Variants in PIP5K1C observed in about 807,000 individuals in gnomAD.
The protein encoded by PIP5K1C is phosphatidylinositol-4-phosphate 5-kinase type 1 gamma.
PIP5K1C carries 45 observed loss-of-function variants against 80.1 expected under a neutral mutation model. The observed-to-expected ratio is 0.56, with a 90% CI of 0.44 to 0.72. The LOEUF (loss-of-function observed/expected upper bound fraction) is 0.72. PIP5K1C is among the 30% of genes least tolerant of loss of function. PIP5K1C has a pLI of 0.00. For missense variants in PIP5K1C, 753 were observed against 954.6 expected (o/e 0.79, Z 2.78); for synonymous variants, 498 against 420.1 (o/e 1.19, Z -2.27).
chr19:3,685,199 A>G (rs1600081233), intron 1 of PIP5K1C, among the ~76,000 whole-genome samples: 2 of 152,142 alleles, frequency 1.3e-5, no homozygotes, highest in African/African-American at 4.8e-5. Context: ...GGGTCCTCAC[A>G]CGGCTGGGGG....
intron 8 of PIP5K1C, chr19:3,649,944 G>A (rs528714730): frequency 6.4e-5 from 16 of 249,622 alleles, no homozygotes; most frequent in African/African-American, 2.6e-4. Context: ...ACCCAGACCC[G>A]CTGGGCTGGC....
Position 3,667,176 on chromosome 19 carries a change from C to T in PIP5K1C, c.126+146G>A, listed in dbSNP as rs2145508971. On this transcript the variant is annotated intron_variant, in intron 2 of 17. Transcript: ENST00000335312. ...CAAGACGCAGTTGGTGTAGACCTCA[C>T]GTTCATCCTGCTTGTGGACACTGGA... 5.6e-6 allele frequency: 4 copies of T among 714,478 alleles called. No individual in the cohort carries two copies. The South Asian group carries it at 6.1e-5, about 11-fold the overall frequency. The allele number at this position is 714,478 out of a possible 1,614,324, so 44.3% of individuals were successfully genotyped here. A position where few individuals can be genotyped will look rare whatever the true frequency, so the allele number is the denominator to read the frequency against.
intron 13 of PIP5K1C, 113 bp from the exon 14 acceptor site, chr19:3,643,052 G>A: frequency 1.4e-6 from 2 of 1,470,866 alleles, no homozygotes; most frequent in Non-Finnish European, 1.9e-6. Context: ...CTGCCCACCT[G>A]TACATATGCT....
Position 3,651,857 on chromosome 19 carries a change from C to T in PIP5K1C, c.1096G>A (p.Ala366Thr), listed in dbSNP as rs529932647. 7.0e-5 allele frequency: 113 copies of T among 1,612,416 alleles called. 2 individuals are homozygous for T. The Admixed American group carries it at 9.8e-4, about 14-fold the overall frequency. The change falls in exon 8 of 18, where the codon GCG (alanine) becomes ACG (threonine). Residue 366 changes from alanine (A) to threonine (T), a missense_variant. Transcript: ENST00000335312. Reference sequence around the variant, plus strand: ...TCCGATTCGATGGCCTCCCCGCGCGCGGCGCCACCCTGGATGGACTCCATG... The same window carrying T: ...TCCGATTCGATGGCCTCCCCGCGCGTGGCGCCACCCTGGATGGACTCCATG... ...TAMESIQGGA[A>T]RGEAIESDDT...
chr19:3,633,787 T>C (rs1026844158), intron 16 of PIP5K1C, among the ~76,000 whole-genome samples: 5 of 151,934 alleles, frequency 3.3e-5, no homozygotes, highest in African/African-American at 9.7e-5. Context: ...GGGCCTGAGA[T>C]AGCAGGTGAC....
intron 4 of PIP5K1C, among the ~76,000 whole-genome samples, chr19:3,661,505 C>A (rs568345044): frequency 1.7e-4 from 26 of 152,208 alleles, no homozygotes; most frequent in Non-Finnish European, 3.5e-4. Flanking sequence ...TTGGCAGCCA[C>A]CTGGGACCAC....
chr19:3,667,331 GGCC>G lies in PIP5K1C; in HGVS notation c.114_116del (p.Ala39del), dbSNP rs1027968704. On this transcript the variant is annotated inframe_deletion, in exon 2 of 18. Coordinates refer to ENST00000335312, the MANE Select transcript of PIP5K1C (RefSeq NM_012398.3). ...CGCTCCAGACACTCACCTCTGTTGG[GGCC>G]GCCTTCTTCTGAGCCAAACCTGCAG... The G allele has an allele frequency of 4.3e-6, 7 of 1,612,868 alleles. No homozygotes were observed. The African/African-American group carries it at 8.0e-5, about 18-fold the overall frequency.
chr19:3,689,850 A>C (rs571206138), intron 1 of PIP5K1C, among the ~76,000 whole-genome samples: 19 of 152,022 alleles, frequency 1.2e-4, no homozygotes, highest in East Asian at 3.9e-4. Context: ...CTCCCCCCCC[A>C]CACACAGAAT....
chr19:3,657,432 C>G (rs977075897), intron 5 of PIP5K1C, among the ~76,000 whole-genome samples: 2 of 152,202 alleles, frequency 1.3e-5, no homozygotes, highest in Non-Finnish European at 2.9e-5. Flanking sequence ...AAAATCCTAA[C>G]TGGTCGCCAT....
intron 1 of PIP5K1C, among the ~76,000 whole-genome samples, chr19:3,686,667 G>A (rs535323243): frequency 2.6e-5 from 4 of 151,810 alleles, no homozygotes; most frequent in Admixed American, 1.3e-4. Context: ...GTGGTGAACC[G>A]AGATCGCACC....
At chr19:3,689,166 C>A (rs1711786130) in intron 1 of PIP5K1C, among the ~76,000 whole-genome samples, 1 of 152,064 alleles carries the variant, frequency 6.6e-6, no homozygotes, top group Admixed American at 6.5e-5. Flanking sequence ...GCTGGGATTA[C>A]AGGTGTGAGC....
intron 8 of PIP5K1C, among the ~76,000 whole-genome samples, chr19:3,650,460 G>T (rs1365847815): frequency 6.6e-6 from 1 of 152,274 alleles, no homozygotes; most frequent in Admixed American, 6.5e-5. Flanking sequence ...CCGGGGCCAT[G>T]TCTGGGGACA....
intron 1 of PIP5K1C, among the ~76,000 whole-genome samples, chr19:3,682,697 T>A (rs1420885252): frequency 2.6e-5 from 4 of 151,788 alleles, no homozygotes; most frequent in South Asian, 4.2e-4. Flanking sequence ...TATAAAAAAA[T>A]TAAAAAAATA....
At chr19:3,683,478 G>C (rs2035652967) in intron 1 of PIP5K1C, among the ~76,000 whole-genome samples, 1 of 152,226 alleles carries the variant, frequency 6.6e-6, no homozygotes, top group Non-Finnish European at 1.5e-5. Flanking sequence ...TTCGCCGTGT[G>C]TGTGGCGGGG....
chr19:3,644,179 G>A lies in PIP5K1C; in HGVS notation c.1418C>T (p.Ala473Val). The change falls in exon 12 of 18, where the codon GCT becomes GTT. Residue 473 changes from alanine to valine, a missense_variant. Transcript: ENST00000335312. ...LLAVKPLGPT[A>V]AFSASQIPSE... ...AGGGATCTGGCTGGCCGAGAAGGCA[G>A]CGGTGGGCCCCAGCGGTTTCACAGC... is the stretch of plus-strand genomic sequence containing the variant. 6.2e-7 allele frequency: 1 copy of A among 1,612,374 alleles called. No homozygotes were observed. The highest frequency in any genetic ancestry group is 8.5e-7 in the Non-Finnish European group (1 of 1,179,884).
intron 8 of PIP5K1C, among the ~76,000 whole-genome samples, 177 bp downstream of exon 8, chr19:3,651,649 G>A (rs1027349359): frequency 3.3e-5 from 5 of 152,230 alleles, no homozygotes; most frequent in African/African-American, 7.2e-5. Context: ...CCTGCGGCCC[G>A]CACTACGGCC....
intron 10 of PIP5K1C, among the ~76,000 whole-genome samples, chr19:3,646,354 C>T (rs1388380466): frequency 1.3e-5 from 2 of 152,170 alleles, no homozygotes; most frequent in Admixed American, 6.5e-5. Flanking sequence ...GGCACAGTGG[C>T]CCACGTGGAC....
intron 16 of PIP5K1C, 31 bp downstream of exon 16, chr19:3,638,853 G>C (rs552133443): frequency 6.2e-6 from 10 of 1,612,496 alleles, no homozygotes; most frequent in Non-Finnish European, 6.8e-6. Context: ...CGGTTGACGA[G>C]CCGGCGGCAG....
intron 1 of PIP5K1C, among the ~76,000 whole-genome samples, chr19:3,670,137 C>T (rs1169643243): frequency 2.8e-5 from 4 of 145,246 alleles, no homozygotes; most frequent in East Asian, 4.0e-4. Flanking sequence ...CCTCTGCAGG[C>T]GGCAGGTGGG....
Sources: gnomAD v4.1 joint callset for allele counts (sites outside exome capture counted in the v4.1 genomes callset) on GRCh38, gnomAD v4.1.1 for gene constraint, MANE v1.5 for transcripts, NCBI Gene and HGNC (gene_info 2026-07-23, HGNC 2026-07-21) for gene names.